Variants in DNAH6 observed in about 807,000 individuals in gnomAD.
DNAH6 encodes dynein axonemal heavy chain 6.
DNAH6 carries 340 observed loss-of-function variants against 491.4 expected under a neutral mutation model. The ratio of observed to expected loss-of-function variants is 0.69; its 90% CI spans 0.63 to 0.76. The LOEUF is 0.76. Ranked by LOEUF, DNAH6 falls within the 30% of genes least tolerant of loss-of-function variation. The probability of loss-of-function intolerance (pLI) is 0.00; values close to 1 mark genes in which losing one functional copy is unlikely to be tolerated. For synonymous variants in DNAH6, 1,603 were observed against 1,686.1 expected (o/e 0.95, Z 1.21); for missense variants, 4,443 against 4,972.2 (o/e 0.89, Z 3.20).
At chr2:84,644,473 G>A (rs1689713806) in intron 33 of DNAH6, among the ~76,000 whole-genome samples, 1 of 151,708 alleles carries the variant, frequency 6.6e-6, no homozygotes, top group Non-Finnish European at 1.5e-5. Flanking sequence ...TGTGCAGGAT[G>A]TACAGTTTTG....
chr2:84,529,048 A>G lies in DNAH6; in HGVS notation c.544A>G (p.Asn182Asp). ...FHDREEVVKA[N>D]IRDPLQIIKI... The stretch of plus-strand genomic sequence containing the variant: ...CGACCGAGAAGAAGTTGTTAAAGCC[A>G]ACATTCGTGATCCCTTGCAAATCAT... The change falls in exon 4 of 77, where the codon AAC (asparagine) becomes GAC (aspartate). Residue 182 changes from asparagine (N) to aspartate (D), a missense_variant. Asn to Asp is a conservative substitution (Grantham distance 23). Coordinates refer to ENST00000389394, the MANE Select transcript of DNAH6 (RefSeq NM_001370.2). 6.4e-7 allele frequency: 1 copy of G among 1,551,474 alleles called. No homozygotes were observed.
chr2:84,514,446 C>A (rs1675454955), upstream of DNAH6, among the ~76,000 whole-genome samples: 1 of 152,186 alleles, frequency 6.6e-6, no homozygotes, highest in South Asian at 2.1e-4. Context: ...GCACCCATCA[C>A]AAATGGCCTG....
intron 60 of DNAH6, among the ~76,000 whole-genome samples, chr2:84,726,622 C>T (rs762338824): frequency 8.6e-5 from 13 of 151,974 alleles, no homozygotes; most frequent in Non-Finnish European, 1.9e-4. Flanking sequence ...CATCACACTC[C>T]GGGACTGGGG....
chr2:84,501,212 T>A, the DNAH6 span, among the ~76,000 whole-genome samples: 2 of 152,196 alleles, frequency 1.3e-5, no homozygotes, highest in Non-Finnish European at 2.9e-5. Context: ...TATCCCCAGT[T>A]TTTTGAGGGG....
chr2:84,576,504 C>G (rs1328650039), intron 12 of DNAH6, among the ~76,000 whole-genome samples: 1 of 151,898 alleles, frequency 6.6e-6, no homozygotes, highest in Non-Finnish European at 1.5e-5. Flanking sequence ...CAATTTGACC[C>G]AAATGTAGGA....
At position 84,815,922 on chromosome 2, in the gene DNAH6, A is replaced by G; in HGVS notation, c.12212A>G (p.Asp4071Gly). The G allele has an allele frequency of 1.9e-6, 3 of 1,551,602 alleles. No individual in the cohort carries two copies. Among genetic ancestry groups the G allele is most frequent in the Non-Finnish European group, 2.6e-6 (3 of 1,146,972 alleles). ...ATGTTCATGGATGCTTCTCGATGGGATGATAAGGAGATGGTGATAGAAGAT... is the reference window on the plus strand; with the variant it reads ...ATGTTCATGGATGCTTCTCGATGGGGTGATAAGGAGATGGTGATAGAAGAT... ...HGMFMDASRW[D>G]DKEMVIEDAL... The change falls in exon 76 of 77, where the codon GAT becomes GGT. Residue 4071 changes from aspartate (D) to glycine (G), a missense_variant. Asp to Gly is a moderately conservative substitution (Grantham distance 94, BLOSUM62 -1). This residue lies in a region of DNAH6 where 1,463 missense variants were observed against 1,656.6 expected (regional missense o/e 0.88). Transcript: ENST00000389394.
chr2:84,598,188 T>TTTCTGTCTTTCTTTTC (rs1553438141), intron 18 of DNAH6, among the ~76,000 whole-genome samples: 1 of 132,860 alleles, frequency 7.5e-6, no homozygotes, highest in Admixed American at 8.0e-5. Context: ...TCTCTCTTTC[T>TTTCTGTCTTTCTTTTC]TTTCTTTCTT....
chr2:84,495,201 G>T, the DNAH6 span, among the ~76,000 whole-genome samples: 2 of 152,184 alleles, frequency 1.3e-5, no homozygotes, highest in Non-Finnish European at 2.9e-5. Context: ...GTCTTGCTCT[G>T]TTGCCCAGTC....
chr2:84,803,191 T>G (rs1313492524), intron 70 of DNAH6, among the ~76,000 whole-genome samples: 1 of 152,044 alleles, frequency 6.6e-6, no homozygotes, highest in Non-Finnish European at 1.5e-5. Context: ...ACTCGAAGAA[T>G]GCAGAAACAG....
chr2:84,591,096 A>G (rs372190196), intron 16 of DNAH6, among the ~76,000 whole-genome samples: 1 of 152,206 alleles, frequency 6.6e-6, no homozygotes, highest in Non-Finnish European at 1.5e-5. Context: ...TGGCTGTCCA[A>G]TGTGATACAT....
chr2:84,760,141 C>A (rs1674427878), intron 63 of DNAH6, among the ~76,000 whole-genome samples: 1 of 152,104 alleles, frequency 6.6e-6, no homozygotes, highest in African/African-American at 2.4e-5. Flanking sequence ...GGATCCCTAT[C>A]TCTCACTATA....
At chr2:84,600,596 C>A (rs1191477742) in intron 18 of DNAH6, among the ~76,000 whole-genome samples, 2 of 152,060 alleles carry the variant, frequency 1.3e-5, no homozygotes, top group African/African-American at 4.8e-5. Flanking sequence ...TAATATCCTT[C>A]AATTTGGATT....
chr2:84,750,190 GTTT>G (rs199818701), intron 63 of DNAH6, among the ~76,000 whole-genome samples: 2 of 131,514 alleles, frequency 1.5e-5, no homozygotes, highest in Non-Finnish European at 1.7e-5. Context: ...GTTTGGTTTG[GTTT>G]TTTTTTTTTT....
chr2:84,550,016 A>G lies in DNAH6; in HGVS notation c.1444A>G (p.Lys482Glu). ...AACACCTTCAGCAGATGTCATTCAG[A>G]AATGGATTACTGAAGAGAAGCCTGA... Reference protein sequence around the residue: ...KRTPSADVIQKWITEEKPEVP... With the variant: ...KRTPSADVIQEWITEEKPEVP... The change falls in exon 9 of 77, where the codon AAA becomes GAA. Residue 482 changes from lysine (K) to glutamate (E), a missense_variant. Lys to Glu is a moderately conservative substitution (Grantham distance 56). This residue lies in a region of DNAH6 where 2,977 missense variants were observed against 3,296.6 expected (regional missense o/e 0.90). Coordinates refer to ENST00000389394, the MANE Select transcript of DNAH6 (RefSeq NM_001370.2). The G allele has an allele frequency of 1.2e-6, 2 of 1,613,918 alleles. No homozygotes were observed. Among genetic ancestry groups the G allele is most frequent in the Non-Finnish European group, 1.7e-6 (2 of 1,179,918 alleles).
chr2:84,790,103 A>G (rs1677602703), intron 68 of DNAH6, among the ~76,000 whole-genome samples: 2 of 152,258 alleles, frequency 1.3e-5, no homozygotes, highest in Non-Finnish European at 2.9e-5. Context: ...GAATCCAAAA[A>G]TGACCTTTAT....
At chr2:84,733,874 GTT>G (rs11314818) in intron 62 of DNAH6, among the ~76,000 whole-genome samples, 38 of 147,218 alleles carry the variant, frequency 2.6e-4, no homozygotes, top group African/African-American at 8.1e-4. Context: ...TATCCCATAG[GTT>G]TTTTTTTTTA....
Position 84,721,419 on chromosome 2 carries a change from T to G in DNAH6, c.9793-1206T>G, listed in dbSNP as rs375115699. 8.5e-5 allele frequency among the ~76,000 whole-genome samples: 13 copies of G among 152,324 alleles called. No homozygotes were observed. In the East Asian group the frequency reaches 2.5e-3, roughly 29 times the overall value. ...TGGAAACAGCTTCTGCACTGAATCC[T>G]TCCCCTCCCTTTCCTGGTGGGCTGG... On this transcript the variant is annotated intron_variant, in intron 59 of 76. Coordinates refer to ENST00000389394, the MANE Select transcript of DNAH6 (RefSeq NM_001370.2).
At chr2:84,785,312 C>G (rs572304652) in intron 66 of DNAH6, among the ~76,000 whole-genome samples, 35 of 152,136 alleles carry the variant, frequency 2.3e-4, no homozygotes, top group Admixed American at 5.9e-4. Context: ...ATGAGGAAAC[C>G]CTGAGCATGC....
chr2:84,602,636 G>A (rs1362476885), intron 18 of DNAH6, among the ~76,000 whole-genome samples: 1 of 151,228 alleles, frequency 6.6e-6, no homozygotes, highest in Non-Finnish European at 1.5e-5. Flanking sequence ...TGAGTTTCTT[G>A]GATCTGTGAT....
Sources: allele counts gnomAD v4.1 joint callset (sites outside exome capture counted in the v4.1 genomes callset), GRCh38; gene constraint gnomAD v4.1.1; regional missense constraint gnomAD v4.1.1; transcripts MANE v1.5; gene names NCBI Gene and HGNC (gene_info 2026-07-23, HGNC 2026-07-21).